The following CAMTA1 variants were observed in gnomAD, a reference collection of about 807,000 sequenced individuals.
CAMTA1 encodes calmodulin-binding transcription activator 1.
CAMTA1 carries 27 observed loss-of-function variants against 170.9 expected under a neutral mutation model. The observed-to-expected ratio is 0.16, with a 90% CI of 0.12 to 0.22. The LOEUF (loss-of-function observed/expected upper bound fraction) is 0.22. Ranked by LOEUF, CAMTA1 falls within the 10% of genes least tolerant of loss-of-function variation. The probability of loss-of-function intolerance (pLI) is 1.00; values close to 1 mark genes in which losing one functional copy is unlikely to be tolerated. For synonymous variants in CAMTA1, 833 were observed against 891.5 expected, an observed-to-expected ratio of 0.93 and a Z score of 1.17; for missense variants, 1,619 against 2,217.2, an observed-to-expected ratio of 0.73 and a Z score of 5.42.
intron 1 of CAMTA1, among the ~76,000 whole-genome samples, chr1:6,785,894 C>T (rs1258938202): frequency 1.3e-5 from 2 of 148,492 alleles, no homozygotes; most frequent in South Asian, 4.2e-4. Context: ...GGGCCGGCGC[C>T]TCCCCCACCC....
At chr1:7,094,125 GGAA>G (rs1340474061) in intron 4 of CAMTA1, among the ~76,000 whole-genome samples, 3 of 152,188 alleles carry the variant, frequency 2.0e-5, no homozygotes, top group Non-Finnish European at 4.4e-5. Flanking sequence ...GGGTGAAGAC[GGAA>G]GGTTTCCTAT....
At position 7,067,927 on chromosome 1, in the gene CAMTA1, G is replaced by T. The variant is rs1709169287; in HGVS notation, c.235-23377G>T. On this transcript the variant is annotated intron_variant, in intron 3 of 22. Transcript: ENST00000303635. This position sits in a 1 kb window ranked among gnomAD's most constrained non-coding sequence, Gnocchi z 4.3. ...GGACAATTTCCTGGCTCTTAAAAAA[G>T]GGTGTATGATTTCTGTCTTCTGGAC... Among the ~76,000 whole-genome samples, 1 of 152,156 alleles carries T rather than the reference G, an allele frequency of 6.6e-6. No individual in the cohort carries two copies. The highest frequency in any genetic ancestry group is 2.1e-4 in the South Asian group (1 of 4,834).
rs1684149929 is a variant in CAMTA1, at chr1:6,930,232, C to G, written c.234+105022C>G. Among the ~76,000 whole-genome samples, 2 of 152,182 alleles carry G rather than the reference C, an allele frequency of 1.3e-5. 1 individual carries two copies. Among genetic ancestry groups the G allele is most frequent in the South Asian group, 4.1e-4 (2 of 4,826 alleles). The stretch of plus-strand genomic sequence containing the variant: ...CTCGATCCTTGGTAATCACTGTCGA[C>G]TCGCCTGCCTGCTGGGATCCAAGTC... On this transcript the variant is annotated intron_variant, in intron 3 of 22. Transcript: ENST00000303635.
At position 7,685,102 on chromosome 1, in the gene CAMTA1, C is replaced by T. The variant is rs1004256662; in HGVS notation, c.2914+7369C>T. 4.0e-5 allele frequency among the ~76,000 whole-genome samples: 6 copies of T among 151,872 alleles called. No homozygotes were observed. The highest frequency in any genetic ancestry group is 1.5e-4 in the African/African-American group (6 of 41,290). ...CACAGGTGGCGTGTTTTGAGGAGTT[C>T]GCAGGCACCGTCCTGCGGTCACAGG... On this transcript the variant is annotated intron_variant, in intron 11 of 22. Coordinates refer to ENST00000303635, the MANE Select transcript of CAMTA1 (RefSeq NM_015215.4). This position sits in a 1 kb window ranked among gnomAD's most constrained non-coding sequence, Gnocchi z 5.7.
At chr1:7,542,131 A>G (rs182266541) in intron 6 of CAMTA1, among the ~76,000 whole-genome samples, 3 of 152,334 alleles carry the variant, frequency 2.0e-5, no homozygotes, top group Admixed American at 1.3e-4. Flanking sequence ...TCTAATTAGA[A>G]AAATTAGGCG....
rs377656575 is a variant in CAMTA1, at chr1:7,616,553, G to A, written c.511-23847G>A. Among the ~76,000 whole-genome samples the A allele has an allele frequency of 1.6e-4, 24 of 152,364 alleles. No individual in the cohort carries two copies. In the South Asian group the frequency reaches 4.3e-3, roughly 28 times the overall value. ...GAGCGCTGTCCAGAGTGCTGAAAAG[G>A]AAGCCGGGCCTCGGGGGTGACTGGG... On this transcript the variant is annotated intron_variant, in intron 6 of 22. Transcript: ENST00000303635.
intron 4 of CAMTA1, among the ~76,000 whole-genome samples, chr1:7,163,794 C>T (rs972123134): frequency 3.3e-5 from 5 of 152,060 alleles, no homozygotes; most frequent in East Asian, 1.9e-4. Flanking sequence ...GGGGAGGGTG[C>T]GGGGAGCAGG....
At chr1:6,838,772 A>G (rs1325671006) in intron 3 of CAMTA1, among the ~76,000 whole-genome samples, 12 of 152,020 alleles carry the variant, frequency 7.9e-5, no homozygotes, top group African/African-American at 2.4e-4. Flanking sequence ...TTCTTGATTG[A>G]CTGAGACAGA....
chr1:7,696,402 G>T (rs977586305), intron 11 of CAMTA1, among the ~76,000 whole-genome samples: 2 of 151,546 alleles, frequency 1.3e-5, no homozygotes, highest in Non-Finnish European at 2.9e-5. Flanking sequence ...CACTATATTG[G>T]CCAGGCTGGT....
intron 1 of CAMTA1, among the ~76,000 whole-genome samples, 167 bp downstream of exon 1, chr1:6,785,742 G>C (rs1265446519): frequency 7.4e-6 from 1 of 135,826 alleles, no homozygotes; most frequent in Non-Finnish European, 1.6e-5. Flanking sequence ...GGGGGGCGGA[G>C]CGCGGCCGAG....
intron 3 of CAMTA1, among the ~76,000 whole-genome samples, chr1:6,903,230 GTTTTC>G (rs966067011): frequency 6.6e-6 from 1 of 152,200 alleles, no homozygotes; most frequent in Non-Finnish European, 1.5e-5. Flanking sequence ...GATCAAAAGT[GTTTTC>G]TTAAGAGTAG....
intron 4 of CAMTA1, among the ~76,000 whole-genome samples, chr1:7,189,441 A>G (rs1268571617): frequency 6.6e-6 from 1 of 152,228 alleles, no homozygotes; most frequent in African/African-American, 2.4e-5. Flanking sequence ...GCAAGAAGAA[A>G]ACAAACAATC....
intron 3 of CAMTA1, among the ~76,000 whole-genome samples, chr1:7,019,318 G>A: frequency 7.6e-6 from 1 of 131,256 alleles, no homozygotes; most frequent in Admixed American, 7.6e-5. Flanking sequence ...CCTAGAAATA[G>A]GTTCCTTTGA....
chr1:7,165,209 T>C (rs780871051), intron 4 of CAMTA1, among the ~76,000 whole-genome samples: 8 of 152,222 alleles, frequency 5.3e-5, no homozygotes, highest in Non-Finnish European at 1.2e-4. Context: ...TCATTTGAAA[T>C]GCATTATTAA....
chr1:6,806,613 T>G (rs1644537142), intron 1 of CAMTA1, among the ~76,000 whole-genome samples: 1 of 152,190 alleles, frequency 6.6e-6, no homozygotes, highest in Admixed American at 6.5e-5. Context: ...GAATTGGACT[T>G]TTCAGGTTCT....
intron 11 of CAMTA1, among the ~76,000 whole-genome samples, chr1:7,692,375 G>A (rs1045227446): frequency 6.6e-6 from 1 of 152,152 alleles, no homozygotes; most frequent in Non-Finnish European, 1.5e-5. Flanking sequence ...CTAGGCCTCA[G>A]AGAGGGAGGG....
intron 4 of CAMTA1, among the ~76,000 whole-genome samples, chr1:7,180,545 C>T (rs1448175710): frequency 2.9e-5 from 3 of 102,384 alleles, no homozygotes; most frequent in Non-Finnish European, 6.0e-5. Flanking sequence ...TGAGACCGGG[C>T]CCCCCTCTAT....
At chr1:6,933,485 C>T (rs1684779597) in intron 3 of CAMTA1, among the ~76,000 whole-genome samples, 1 of 152,098 alleles carries the variant, frequency 6.6e-6, no homozygotes, top group Non-Finnish European at 1.5e-5. Context: ...GTCTGTAATT[C>T]CTGATCTCAA....
At chr1:7,468,176 C>T (rs2093256510) in intron 6 of CAMTA1, among the ~76,000 whole-genome samples, 2 of 152,340 alleles carry the variant, frequency 1.3e-5, no homozygotes, top group Middle Eastern at 3.4e-3. Context: ...TCCAAGGCGC[C>T]TCAGTTTTCT....
Sources: gnomAD v4.1 joint callset for allele counts (sites outside exome capture counted in the v4.1 genomes callset) on GRCh38, gnomAD v4.1.1 for gene constraint, Gnocchi (gnomAD v3.1) non-coding constraint, MANE v1.5 for transcripts, NCBI Gene and HGNC (gene_info 2026-07-23, HGNC 2026-07-21) for gene names.